CHAT: variants seen among roughly 807,000 people sequenced by gnomAD.
CHAT encodes acetyl CoA:choline O-acetyltransferase.
In CHAT, 61 loss-of-function variants were observed where a neutral mutation model predicts 76.9. That is an observed-to-expected ratio of 0.79 (90% CI 0.65 to 0.98). The LOEUF is 0.98. CHAT is among the 50% of genes least tolerant of loss of function. CHAT has a pLI of 0.00. For synonymous variants in CHAT, 407 were observed against 397.4 expected, an observed-to-expected ratio of 1.02 and a Z score of -0.29; for missense variants, 946 against 986.9, an observed-to-expected ratio of 0.96 and a Z score of 0.56.
rs1243644596 is a variant in CHAT at position 49,614,263 on chromosome 10, C to T, written c.74C>T (p.Thr25Ile). The T allele has an allele frequency of 7.8e-6, 12 of 1,548,024 alleles. No individual in the cohort carries two copies. The highest frequency in any genetic ancestry group is 9.6e-6 in the Non-Finnish European group (11 of 1,146,242). ...GKWKREEGGG[T>I]RGRREVRPAC... ...TGGAAGAGAGAGGAGGGAGGAGGTACAAGAGGAAGGAGAGAAGTGCGGCCA... is the reference window on the plus strand; with the variant it reads ...TGGAAGAGAGAGGAGGGAGGAGGTATAAGAGGAAGGAGAGAAGTGCGGCCA... Residue 25 changes from threonine to isoleucine, a missense_variant, in exon 1 of 15, where the codon ACA (threonine) becomes ATA (isoleucine). By Grantham distance (89) the Thr-to-Ile change is moderately conservative. Coordinates refer to ENST00000337653, the MANE Select transcript of CHAT (RefSeq NM_020549.5).
upstream of CHAT, chr10:49,612,175 C>A (rs1290953438): frequency 5.0e-6 from 8 of 1,610,156 alleles, no homozygotes; most frequent in Middle Eastern, 1.6e-4. Context: ...GACGCGCTCC[C>A]GTTCCGAGCG....
At position 49,666,099 on chromosome 10, in the gene CHAT, G is replaced by A. The variant is rs1840334433; in HGVS notation, c.*1053G>A. On this transcript the variant is annotated 3_prime_UTR_variant, in exon 15 of 15. Transcript: ENST00000337653. ...AGCTGGGCTCCTTTATTTGGAGCAG[G>A]CTATCCAGGGACTCTGACAAAAACC... 6.6e-6 allele frequency among the ~76,000 whole-genome samples: 1 copy of A among 152,186 alleles called. No homozygotes were observed. Among genetic ancestry groups the A allele is most frequent in the South Asian group, 2.1e-4 (1 of 4,828 alleles).
Position 49,614,465 on chromosome 10 carries a change from G to C in CHAT, c.276G>C (p.Pro92=), listed in dbSNP as rs745665140. Residue 92 remains proline, a synonymous_variant, in exon 1 of 15, where the codon CCG becomes CCC. Transcript: ENST00000337653. ...CAGCGTCGGCCGAGGCAGCAGAGCCGAGGAGAGCAGGTGAGAAGAAGGGCT... is the reference window on the plus strand; with the variant it reads ...CAGCGTCGGCCGAGGCAGCAGAGCCCAGGAGAGCAGGTGAGAAGAAGGGCT... ...CGAASAEAAE[P]RRAGPHLCIP... The C allele has an allele frequency of 5.8e-6, 9 of 1,546,694 alleles. No individual in the cohort carries two copies. The highest frequency in any genetic ancestry group is 2.7e-5 in the African/African-American group (2 of 73,040).
chr10:49,630,190 C>A (rs751637087), intron 7 of CHAT, among the ~76,000 whole-genome samples: 3 of 151,952 alleles, frequency 2.0e-5, no homozygotes, highest in Non-Finnish European at 4.4e-5. Context: ...GACATCAGCG[C>A]ATAAATGATC....
At position 49,664,907 on chromosome 10, in the gene CHAT, C is replaced by T. The variant is rs1316112613; in HGVS notation, c.2108C>T (p.Ser703Phe). Residue 703 changes from serine (S) to phenylalanine (F), a missense_variant, in exon 15 of 15, where the codon TCT becomes TTT. Ser to Phe is a radical substitution (Grantham distance 155). Coordinates refer to ENST00000337653, the MANE Select transcript of CHAT (RefSeq NM_020549.5). ...ISSFHSCKET[S>F]SSKFAKAVEE... ...AGCTTTCACAGCTGCAAAGAGACTT[C>T]TTCTAGCAAGTTTGCAAAAGCTGTG... The T allele has an allele frequency of 1.2e-6, 2 of 1,614,260 alleles. No homozygotes were observed. Among genetic ancestry groups the T allele is most frequent in the Admixed American group, 3.3e-5 (2 of 60,034 alleles).
intron 11 of CHAT, among the ~76,000 whole-genome samples, chr10:49,654,390 G>A (rs913314676): frequency 1.3e-5 from 2 of 152,230 alleles, no homozygotes; most frequent in Non-Finnish European, 2.9e-5. Context: ...CAAGCTCTGT[G>A]TCTTTTTTCC....
chr10:49,610,072 C>A (rs1250240254), upstream of CHAT, among the ~76,000 whole-genome samples: 2 of 151,848 alleles, frequency 1.3e-5, no homozygotes, highest in Admixed American at 6.5e-5. Context: ...CGGCGCGGAA[C>A]GCCCATCCCA....
At chr10:49,640,596 C>T (rs1167583380) in intron 7 of CHAT, among the ~76,000 whole-genome samples, 1 of 152,138 alleles carries the variant, frequency 6.6e-6, no homozygotes, top group Non-Finnish European at 1.5e-5. Context: ...AGATAGAATT[C>T]TCAGCTTCCA....
At chr10:49,653,845 A>G (rs1024388456) in intron 11 of CHAT, among the ~76,000 whole-genome samples, 4 of 152,312 alleles carry the variant, frequency 2.6e-5, no homozygotes, top group Middle Eastern at 3.4e-3. Context: ...CCTCTCTACT[A>G]TGAGCACTTC....
intron 13 of CHAT, among the ~76,000 whole-genome samples, chr10:49,657,363 G>A (rs1161700727): frequency 6.6e-6 from 1 of 152,102 alleles, no homozygotes; most frequent in Non-Finnish European, 1.5e-5. Flanking sequence ...CCTCCTGAAG[G>A]TCCCACCTTC....
chr10:49,613,916 G>C (rs1012202671), upstream of CHAT: 2 of 579,278 alleles, frequency 3.5e-6, no homozygotes, highest in African/African-American at 3.7e-5. Context: ...TTTGAGACTG[G>C]CCTGGATGGT....
intron 5 of CHAT, among the ~76,000 whole-genome samples, chr10:49,623,450 A>C (rs946010882): frequency 1.3e-5 from 2 of 152,200 alleles, no homozygotes; most frequent in African/African-American, 4.8e-5. Context: ...TTAATTAATT[A>C]ATTTACTTAT....
At chr10:49,611,379 A>C (rs774321192), upstream of CHAT, 6 of 1,599,370 alleles carry the variant, frequency 3.8e-6, no homozygotes, top group Non-Finnish European at 5.1e-6. Context: ...GCAGTCGTGC[A>C]CTGGGCGTGG....
chr10:49,638,887 TTTC>T (rs1839381517), intron 7 of CHAT, among the ~76,000 whole-genome samples: 1 of 152,242 alleles, frequency 6.6e-6, no homozygotes, highest in South Asian at 2.1e-4. Flanking sequence ...TTGTTCTTTC[TTTC>T]TTCTTGATAT....
chr10:49,616,169 C>A, intron 1 of CHAT: 2 of 1,423,090 alleles, frequency 1.4e-6, no homozygotes, highest in Non-Finnish European at 2.0e-6. Flanking sequence ...GGGTTCCAGG[C>A]AGGAACAAAG....
At chr10:49,656,583 C>T (rs1359516327) in intron 13 of CHAT, among the ~76,000 whole-genome samples, 2 of 152,138 alleles carry the variant, frequency 1.3e-5, no homozygotes, top group African/African-American at 4.8e-5. Context: ...CAGGCAGACA[C>T]AGAAGGGAAA....
At chr10:49,664,472 A>G (rs1395930988) in intron 14 of CHAT, among the ~76,000 whole-genome samples, 2 of 152,154 alleles carry the variant, frequency 1.3e-5, no homozygotes, top group Non-Finnish European at 2.9e-5. Context: ...CGTGCCTCAA[A>G]TGGCCCCCAG....
chr10:49,646,434 G>A, intron 7 of CHAT, 71 bp from the exon 8 acceptor site: 3 of 1,583,476 alleles, frequency 1.9e-6, no homozygotes, highest in Non-Finnish European at 2.6e-6. Flanking sequence ...CCTGCCCTGT[G>A]TGGGGCTCTG....
chr10:49,625,786 A>G (rs1443561951), intron 6 of CHAT, 133 bp downstream of exon 6: 23 of 974,222 alleles, frequency 2.4e-5, no homozygotes, highest in Non-Finnish European at 3.5e-5. Flanking sequence ...CCATGTCTCC[A>G]AAGTGGGGCC....
Sources: gnomAD v4.1 joint callset for allele counts (sites outside exome capture counted in the v4.1 genomes callset) on GRCh38, gnomAD v4.1.1 for gene constraint, MANE v1.5 for transcripts, NCBI Gene and HGNC (gene_info 2026-07-23, HGNC 2026-07-21) for gene names.